SLC26A4: variants seen among roughly 807,000 people sequenced by gnomAD.
SLC26A4 encodes pendrin.
A neutral mutation model predicts 90.4 loss-of-function variants in SLC26A4; 93 were observed. The observed-to-expected ratio is 1.03, with a 90% CI of 0.87 to 1.22. SLC26A4 has a LOEUF of 1.22. SLC26A4 is among the 50% of genes most tolerant of loss of function. The probability of loss-of-function intolerance (pLI) is 0.00; values close to 1 mark genes in which losing one functional copy is unlikely to be tolerated. For missense variants in SLC26A4, 1,127 were observed against 946.2 expected, an observed-to-expected ratio of 1.19 and a Z score of -2.51; for synonymous variants, 393 against 354.6, an observed-to-expected ratio of 1.11 and a Z score of -1.22.
At chr7:107,687,250 A>C (rs1267734839) in intron 8 of SLC26A4, among the ~76,000 whole-genome samples, 3 of 152,160 alleles carry the variant, frequency 2.0e-5, no homozygotes, top group East Asian at 3.8e-4. Context: ...CTGAGCAAAA[A>C]ATTTGGAGAG....
chr7:107,696,379 G>C (rs961680140), intron 13 of SLC26A4, among the ~76,000 whole-genome samples: 2 of 152,160 alleles, frequency 1.3e-5, no homozygotes, highest in African/African-American at 4.8e-5. Context: ...TTTAGTTGTG[G>C]TAAGACTAAA....
rs114552018 is a variant in SLC26A4 at position 107,664,985 on chromosome 7, A to G, written c.304+1550A>G. Among the ~76,000 whole-genome samples the G allele has an allele frequency of 7.4e-3, 1,120 of 152,318 alleles. 19 individuals carry two copies. The highest frequency in any genetic ancestry group is 0.026 in the African/African-American group (1,075 of 41,558). ...TCTGCTTCCAAGGAACTCATAGTCC[A>G]ATGGAGAAAGAGAAAACAATTCAAT... On this transcript the variant is annotated intron_variant, in intron 3 of 20. Transcript: ENST00000644269.
At position 107,667,598 on chromosome 7, in the gene SLC26A4, C is replaced by T. The variant is rs1219423910; in HGVS notation, c.304+4163C>T. ...ATCAGAGGGAGATAAGAGATGAAGA[C>T]AGAGTGAAGGGAGAATTTGTTTTTC... On this transcript the variant is annotated intron_variant, in intron 3 of 20. Transcript: ENST00000644269. Among the ~76,000 whole-genome samples the T allele has an allele frequency of 2.7e-5, 4 of 150,442 alleles. No individual in the cohort carries two copies. In the East Asian group the frequency reaches 7.9e-4, roughly 30 times the overall value.
chr7:107,694,140 C>T (rs967343399), intron 10 of SLC26A4, among the ~76,000 whole-genome samples: 5 of 152,300 alleles, frequency 3.3e-5, no homozygotes, highest in African/African-American at 9.6e-5. Context: ...AATAAAATCC[C>T]TGTCAAACTG....
chr7:107,701,125 T>C lies in SLC26A4; in HGVS notation c.1732T>C (p.Tyr578His), dbSNP rs781728302. ...STVGFDAIRV[Y>H]NKRLKALRKI... ...GGTTGGATTTGATGCCATTAGAGTA[T>C]ATAATAAGAGGCTGAAAGCGCTGAG... The change falls in exon 16 of 21, where the codon TAT (tyrosine) becomes CAT (histidine). Residue 578 changes from tyrosine (Y) to histidine (H), a missense_variant. Tyr to His is a moderately conservative substitution (Grantham distance 83). Coordinates refer to ENST00000644269, the MANE Select transcript of SLC26A4 (RefSeq NM_000441.2). 9 of 1,609,080 alleles carry C rather than the reference T, an allele frequency of 5.6e-6. No homozygotes were observed. The African/African-American group carries it at 6.7e-5, about 12-fold the overall frequency.
chr7:107,691,824 A>G (rs1294745057), intron 10 of SLC26A4: 1 of 1,075,056 alleles, frequency 9.3e-7, no homozygotes, highest in Non-Finnish European at 1.1e-6. Context: ...GTAAAATAAT[A>G]CAGCTCATAT....
intron 18 of SLC26A4, among the ~76,000 whole-genome samples, chr7:107,705,585 C>A (rs1183666584): frequency 6.6e-6 from 1 of 152,122 alleles, no homozygotes; most frequent in African/African-American, 2.4e-5. Context: ...GAAGTGTCAC[C>A]CAACTGCACA....
Position 107,710,095 on chromosome 7 carries a change from G to T in SLC26A4, c.2131G>T (p.Asp711Tyr), listed in dbSNP as rs145805875. 59 of 1,611,582 alleles carry T rather than the reference G, an allele frequency of 3.7e-5. No homozygotes were observed. In the African/African-American group the frequency reaches 7.1e-4, roughly 19 times the overall value. ...GCTGGAGCAATGCGGGTTCTTTGAC[G>T]ACAACATTAGAAAGGACACATTCTT... ...EKLEQCGFFD[D>Y]NIRKDTFFLT... is the part of the protein sequence containing the mutation. Residue 711 changes from aspartate (D) to tyrosine (Y), a missense_variant, in exon 19 of 21, where the codon GAC becomes TAC. Coordinates refer to ENST00000644269, the MANE Select transcript of SLC26A4 (RefSeq NM_000441.2).
intron 18 of SLC26A4, among the ~76,000 whole-genome samples, chr7:107,705,068 ACTC>A: frequency 6.6e-6 from 1 of 151,982 alleles, no homozygotes; most frequent in African/African-American, 2.4e-5. Context: ...AGGCTGCTCT[ACTC>A]CTTCGTTCTG....
chr7:107,698,477 T>G (rs970411865), intron 14 of SLC26A4, among the ~76,000 whole-genome samples: 1 of 152,044 alleles, frequency 6.6e-6, no homozygotes, highest in Admixed American at 6.6e-5. Flanking sequence ...CCACCACGCC[T>G]GGCTAATTTT....
chr7:107,665,346 C>CT (rs1188256919), intron 3 of SLC26A4, among the ~76,000 whole-genome samples: 1 of 152,160 alleles, frequency 6.6e-6, no homozygotes, highest in African/African-American at 2.4e-5. Flanking sequence ...GAGCCTCAGC[C>CT]TGATCAAGCA....
chr7:107,699,170 G>A (rs1319007788), intron 14 of SLC26A4, among the ~76,000 whole-genome samples: 1 of 152,100 alleles, frequency 6.6e-6, no homozygotes. Flanking sequence ...TTTGGGGAGG[G>A]AGCTCTAAGC....
At chr7:107,685,584 T>C (rs772485227) in intron 8 of SLC26A4, among the ~76,000 whole-genome samples, 35 of 152,216 alleles carry the variant, frequency 2.3e-4, no homozygotes, top group Non-Finnish European at 4.9e-4. Flanking sequence ...CAATGCCCCA[T>C]TGGACAGCCA....
chr7:107,712,400 A>G (rs1402188686), intron 19 of SLC26A4, 139 bp from the exon 20 acceptor site: 5 of 637,586 alleles, frequency 7.8e-6, no homozygotes, highest in Non-Finnish European at 1.4e-5. Flanking sequence ...TGGGAAATAT[A>G]AAAGAACAAT....
Position 107,704,345 on chromosome 7 carries a change from C to T in SLC26A4, c.2049C>T (p.Phe683=), listed in dbSNP as rs371476559. 1 of 1,386,584 alleles carries T rather than the reference C, an allele frequency of 7.2e-7. No homozygotes were observed. Among genetic ancestry groups the T allele is most frequent in the African/African-American group, 1.4e-5 (1 of 70,870 alleles). 85.9% of individuals were successfully genotyped at this position (1,386,584 alleles called of 1,614,324 possible). ...TTTATTTTTAGATTGTCAAAGAATTCCAAAGAATTGATGTGAATGTGTATT... is the reference window on the plus strand; with the variant it reads ...TTTATTTTTAGATTGTCAAAGAATTTCAAAGAATTGATGTGAATGTGTATT... ...VRSLRVIVKE[F]QRIDVNVYFA... is the part of the protein sequence containing the mutation. The change falls in exon 18 of 21, where the codon TTC becomes TTT. Residue 683 remains phenylalanine (F), a synonymous_variant. Coordinates refer to ENST00000644269, the MANE Select transcript of SLC26A4 (RefSeq NM_000441.2).
At chr7:107,708,660 C>T (rs1259131637) in intron 18 of SLC26A4, among the ~76,000 whole-genome samples, 3 of 152,032 alleles carry the variant, frequency 2.0e-5, no homozygotes, top group Non-Finnish European at 4.4e-5. Flanking sequence ...TTGAGACCAG[C>T]CTGAGCAACA....
intron 16 of SLC26A4, among the ~76,000 whole-genome samples, chr7:107,701,607 T>C (rs1164047967): frequency 1.3e-5 from 2 of 152,228 alleles, no homozygotes; most frequent in Non-Finnish European, 2.9e-5. Context: ...AGTTCCACAA[T>C]CATCCAGAAA....
intron 20 of SLC26A4, among the ~76,000 whole-genome samples, chr7:107,713,084 GA>G (rs1274863333): frequency 6.6e-6 from 1 of 152,200 alleles, no homozygotes; most frequent in Non-Finnish European, 1.5e-5. Context: ...GTGTATTTCA[GA>G]TGCTCTTGTG....
In SLC26A4 at chr7:107,694,505, C is replaced by T. The variant is rs368711059; in HGVS notation, c.1341+25C>T. 49 of 1,582,720 alleles carry T rather than the reference C, an allele frequency of 3.1e-5. No individual in the cohort carries two copies. The African/African-American group carries it at 4.2e-4, about 13-fold the overall frequency. Reference sequence around the variant, plus strand: ...GGTATAACCCTGCTTCTCTGCATACCGATTGCATAATTTCCCTTCACTACT... The same window carrying T: ...GGTATAACCCTGCTTCTCTGCATACTGATTGCATAATTTCCCTTCACTACT... On this transcript the variant is annotated intron_variant, in intron 11 of 20. Transcript: ENST00000644269.
Sources: allele counts gnomAD v4.1 joint callset (sites outside exome capture counted in the v4.1 genomes callset), GRCh38; gene constraint gnomAD v4.1.1; transcripts MANE v1.5; gene names NCBI Gene and HGNC (gene_info 2026-07-23, HGNC 2026-07-21).